DPP10: variants seen among roughly 807,000 people sequenced by gnomAD.
DPP10 encodes dipeptidyl peptidase like 10.
A neutral mutation model predicts 120.9 loss-of-function variants in DPP10; 33 were observed. That is an observed-to-expected ratio of 0.27 (90% CI 0.21 to 0.37). The LOEUF is 0.37. Ranked by LOEUF, DPP10 falls within the 10% of genes least tolerant of loss-of-function variation. The probability of loss-of-function intolerance (pLI) is 1.00; values close to 1 mark genes in which losing one functional copy is unlikely to be tolerated. For synonymous variants in DPP10, 337 were observed against 326.1 expected, an observed-to-expected ratio of 1.03 and a Z score of -0.36; for missense variants, 816 against 942.8, an observed-to-expected ratio of 0.87 and a Z score of 1.76.
At chr2:114,948,283 T>A (rs970160618) in intron 1 of DPP10, among the ~76,000 whole-genome samples, 1 of 152,194 alleles carries the variant, frequency 6.6e-6, no homozygotes, top group Non-Finnish European at 1.5e-5. Context: ...TGTTTCTATT[T>A]GTTTTTTCTT....
intron 4 of DPP10, among the ~76,000 whole-genome samples, chr2:115,508,100 C>T (rs1393168422): frequency 1.3e-5 from 2 of 152,030 alleles, no homozygotes; most frequent in South Asian, 4.1e-4. Flanking sequence ...CTTATATGTA[C>T]ATGTTTATGC....
chr2:114,725,431 T>G (rs116390731), intron 1 of DPP10, among the ~76,000 whole-genome samples: 228 of 152,298 alleles, frequency 1.5e-3, no homozygotes, highest in African/African-American at 5.1e-3. Flanking sequence ...TACATGACCT[T>G]CTTACCTTTA....
intron 1 of DPP10, among the ~76,000 whole-genome samples, chr2:115,014,284 C>T (rs957368940): frequency 2.6e-5 from 4 of 152,108 alleles, no homozygotes; most frequent in African/African-American, 9.7e-5. Context: ...TAAGTAAGTT[C>T]TTTGAAACCA....
intron 5 of DPP10, among the ~76,000 whole-genome samples, chr2:115,595,800 C>T (rs2082953362): frequency 2.6e-5 from 4 of 151,806 alleles, no homozygotes; most frequent in Admixed American, 1.3e-4. Flanking sequence ...TCTTATAAAC[C>T]TTTAAATGAG....
At chr2:114,999,183 C>G (rs1455834920) in intron 1 of DPP10, among the ~76,000 whole-genome samples, 1 of 152,050 alleles carries the variant, frequency 6.6e-6, no homozygotes, top group African/African-American at 2.4e-5. Context: ...ATAAAAGGAG[C>G]AAAGTAAATA....
At chr2:115,083,522 T>C (rs570618724) in intron 1 of DPP10, among the ~76,000 whole-genome samples, 1 of 152,312 alleles carries the variant, frequency 6.6e-6, no homozygotes, top group East Asian at 1.9e-4. Context: ...TCATTATATT[T>C]GTGTCCACTC....
chr2:115,764,125 GAT>G (rs1680430950), intron 12 of DPP10, among the ~76,000 whole-genome samples: 1 of 149,782 alleles, frequency 6.7e-6, no homozygotes, highest in African/African-American at 2.4e-5. Context: ...TTATTGCTAT[GAT>G]TTTTTTTTTT....
intron 2 of DPP10, among the ~76,000 whole-genome samples, chr2:115,333,939 G>T (rs530751780): frequency 6.6e-5 from 10 of 151,242 alleles, no homozygotes; most frequent in Admixed American, 5.3e-4. Context: ...GAGAAGTTTA[G>T]GGAAAAAAAG....
chr2:115,603,540 T>C (rs1466618980), intron 5 of DPP10, among the ~76,000 whole-genome samples: 1 of 147,032 alleles, frequency 6.8e-6, no homozygotes, highest in Admixed American at 7.0e-5. Context: ...TCTCCACTAC[T>C]GTGTGTTTTC....
chr2:115,775,514 A>G (rs1309268995), intron 13 of DPP10, among the ~76,000 whole-genome samples: 3 of 152,088 alleles, frequency 2.0e-5, no homozygotes, highest in Middle Eastern at 3.2e-3. Context: ...AGAAACAATC[A>G]AAATCCTCCA....
chr2:115,310,115 A>G (rs185508667), intron 2 of DPP10, among the ~76,000 whole-genome samples: 125 of 152,094 alleles, frequency 8.2e-4, no homozygotes, highest in African/African-American at 2.7e-3. Flanking sequence ...CACCCACCCA[A>G]CTGTTTTTCT....
chr2:115,110,581 T>A (rs191708852), intron 1 of DPP10, among the ~76,000 whole-genome samples: 99 of 152,206 alleles, frequency 6.5e-4, no homozygotes, highest in Admixed American at 4.3e-3. Flanking sequence ...GTGCTATTTA[T>A]TTTTTAAGTT....
At chr2:114,804,671 C>A (rs1323324112) in intron 1 of DPP10, among the ~76,000 whole-genome samples, 1 of 152,190 alleles carries the variant, frequency 6.6e-6, no homozygotes, top group South Asian at 2.1e-4. Flanking sequence ...TGGAGAATTT[C>A]TCCCATGGAA....
chr2:115,551,278 G>A (rs902890235), intron 5 of DPP10, among the ~76,000 whole-genome samples: 10 of 152,080 alleles, frequency 6.6e-5, no homozygotes, highest in African/African-American at 2.4e-4. Context: ...ATAGTATAAG[G>A]AGTACATTGT....
intron 1 of DPP10, chr2:115,162,168 C>CCTGCTTCT: frequency 1.9e-6 from 3 of 1,544,626 alleles, no homozygotes; most frequent in Non-Finnish European, 2.6e-6. Flanking sequence ...TCCAGGCTCT[C>CCTGCTTCT]CTGCTTCTCC....
chr2:115,315,023 A>G (rs968909807), intron 2 of DPP10, among the ~76,000 whole-genome samples: 1 of 152,154 alleles, frequency 6.6e-6, no homozygotes, highest in Non-Finnish European at 1.5e-5. Flanking sequence ...TAGGGCCAAT[A>G]GATTTGGATG....
intron 3 of DPP10, among the ~76,000 whole-genome samples, chr2:115,356,600 G>T (rs1251556558): frequency 2.0e-5 from 3 of 151,990 alleles, no homozygotes; most frequent in Non-Finnish European, 4.4e-5. Flanking sequence ...CTTGAATAGG[G>T]GTAGTGAGAG....
chr2:115,014,573 A>T (rs1023367743), intron 1 of DPP10, among the ~76,000 whole-genome samples: 1 of 152,136 alleles, frequency 6.6e-6, no homozygotes, highest in Non-Finnish European at 1.5e-5. Context: ...TTTATAAAAG[A>T]TCAACAAAAT....
At chr2:115,094,438 G>C (rs183377402) in intron 1 of DPP10, among the ~76,000 whole-genome samples, 1 of 152,160 alleles carries the variant, frequency 6.6e-6, no homozygotes, top group Non-Finnish European at 1.5e-5. Context: ...TTGATCACAA[G>C]AGTCAAAGGG....
Sources: gnomAD v4.1 joint callset for allele counts (sites outside exome capture counted in the v4.1 genomes callset) on GRCh38, gnomAD v4.1.1 for gene constraint, MANE v1.5 for transcripts, NCBI Gene and HGNC (gene_info 2026-07-23, HGNC 2026-07-21) for gene names.